The following FURIN variants were observed in gnomAD, a reference collection of about 807,000 sequenced individuals.
FURIN encodes FES upstream region.
In FURIN, 18 loss-of-function variants were observed where a neutral mutation model predicts 89.2. The observed-to-expected ratio is 0.20, with a 90% CI of 0.14 to 0.30. The LOEUF is 0.30. Ranked by LOEUF, FURIN falls within the 10% of genes least tolerant of loss-of-function variation. FURIN has a pLI of 1.00. For synonymous variants in FURIN, 508 were observed against 466.4 expected (o/e 1.09, Z -1.15); for missense variants, 879 against 1,100.5 (o/e 0.80, Z 2.85).
Position 90,882,019 on chromosome 15 carries a change from G to A in FURIN, c.*141G>A, listed in dbSNP as rs2032010497. 7.6e-6 allele frequency: 5 copies of A among 657,284 alleles called. No individual in the cohort carries two copies. The highest frequency in any genetic ancestry group is 3.9e-5 in the South Asian group (2 of 51,454). The allele number at this position is 657,284 out of a possible 1,614,324, so 40.7% of individuals were successfully genotyped here. A position where few individuals can be genotyped will look rare whatever the true frequency, so the allele number is the denominator to read the frequency against. On this transcript the variant is annotated 3_prime_UTR_variant, in exon 16 of 16. Transcript: ENST00000268171. ...GGAGACTGCTTCCCATCCTACCCTC[G>A]GGCCCACCTGGCCACCTGAGGTGGG...
At chr15:90,874,189 C>T (rs1334329758) in intron 1 of FURIN, among the ~76,000 whole-genome samples, 1 of 152,254 alleles carries the variant, frequency 6.6e-6, no homozygotes, top group Non-Finnish European at 1.5e-5. Flanking sequence ...TAGTCAGGGG[C>T]ACTATGTGGG....
At position 90,881,490 on chromosome 15, in the gene FURIN, C is replaced by G. The variant is rs2031970764; in HGVS notation, c.1997C>G (p.Ala666Gly). ...LTDCLSCPSH[A>G]SLDPVEQTCS... ...GACTGCCTCAGCTGCCCCAGCCACG[C>G]CTCCTTGGACCCTGTGGAGCAGACT... The change falls in exon 16 of 16, where the codon GCC becomes GGC. Residue 666 changes from alanine (A) to glycine (G), a missense_variant. This residue lies in a region of FURIN where 457 missense variants were observed against 490.7 expected (regional missense o/e 0.93). Transcript: ENST00000268171. This position sits in a 1 kb window ranked among gnomAD's most constrained non-coding sequence, Gnocchi z 4.3. 1 of 1,612,052 alleles carries G rather than the reference C, an allele frequency of 6.2e-7. No homozygotes were observed. The highest frequency in any genetic ancestry group is 8.5e-7 in the Non-Finnish European group (1 of 1,179,732).
chr15:90,871,988 C>G (rs2031333786), intron 1 of FURIN, among the ~76,000 whole-genome samples: 1 of 151,370 alleles, frequency 6.6e-6, no homozygotes, highest in Non-Finnish European at 1.5e-5. Context: ...GGGGCCCCTG[C>G]TGGGGGCGGG....
At chr15:90,869,026 T>TG (rs1189327372) in intron 1 of FURIN, among the ~76,000 whole-genome samples, 1 of 152,142 alleles carries the variant, frequency 6.6e-6, no homozygotes, top group Non-Finnish European at 1.5e-5. Context: ...CAGGAGTGCT[T>TG]GGAGTCAGGA....
intron 1 of FURIN, among the ~76,000 whole-genome samples, chr15:90,871,272 G>A (rs928252419): frequency 6.6e-6 from 1 of 152,178 alleles, no homozygotes; most frequent in Non-Finnish European, 1.5e-5. Flanking sequence ...TTGGTTCCGA[G>A]TTCGGGTCTC....
chr15:90,882,050 G>A lies in FURIN; in HGVS notation c.*172G>A, dbSNP rs182592330. 3.8e-3 allele frequency: 2,309 copies of A among 601,918 alleles called. 14 individuals carry two copies. Among genetic ancestry groups the A allele is most frequent in the Middle Eastern group, 0.017 (37 of 2,214 alleles). 37.3% of individuals were successfully genotyped at this position (601,918 alleles called of 1,614,324 possible). A position where few individuals can be genotyped will look rare whatever the true frequency, so the allele number is the denominator to read the frequency against. On this transcript the variant is annotated 3_prime_UTR_variant, in exon 16 of 16. Transcript: ENST00000268171. ...ACCTGGCCACCTGAGGTGGGCCCAG[G>A]ACCAGCTGGGGCGTGGGGAGGGCCG... is the stretch of plus-strand genomic sequence containing the variant.
In FURIN at chr15:90,877,606, C is replaced by A; in HGVS notation, c.658C>A (p.Arg220Ser). The change falls in exon 7 of 16, where the codon CGC (arginine) becomes AGC (serine). Residue 220 changes from arginine (R) to serine (S), a missense_variant. This residue lies in a region of FURIN where 139 missense variants were observed against 215.0 expected (regional missense o/e 0.65). Coordinates refer to ENST00000268171, the MANE Select transcript of FURIN (RefSeq NM_002569.4). ...TGGTGTAGGTGTGGCCTACAACGCC[C>A]GCATTGGAGGTGAGTGTGGGCCTGG... ...VCGVGVAYNA[R>S]IGGVRMLDGE... The A allele has an allele frequency of 1.3e-6, 2 of 1,565,200 alleles. No individual in the cohort carries two copies. The highest frequency in any genetic ancestry group is 1.2e-5 in the South Asian group (1 of 84,890).
rs565788900 is a variant in FURIN at position 90,875,633 on chromosome 15, C to G, written c.-108C>G. 1.0e-6 allele frequency: 1 copy of G among 999,072 alleles called. No homozygotes were observed. The highest frequency in any genetic ancestry group is 2.7e-5 in the East Asian group (1 of 37,104). The allele number at this position is 999,072 out of a possible 1,614,324, so 61.9% of individuals were successfully genotyped here. ...CCTGCCCGTCTCGGCCCCATGCCCC[C>G]ACCAGTCAGCCCCGGGCCACAGGCA... is the stretch of plus-strand genomic sequence containing the variant. On this transcript the variant is annotated 5_prime_UTR_variant, in exon 2 of 16. Transcript: ENST00000268171.
In FURIN at chr15:90,877,621, T is replaced by C. The variant is rs1175519174; in HGVS notation, c.667+6T>C. ...CTACAACGCCCGCATTGGAGGTGAG[T>C]GTGGGCCTGGGCCACCCTGTCTTCA... On this transcript the variant is annotated splice_donor_region_variant and intron_variant, in intron 7 of 15. Transcript: ENST00000268171. 1.9e-6 allele frequency: 3 copies of C among 1,554,044 alleles called. No homozygotes were observed. The African/African-American group carries it at 4.1e-5, about 21-fold the overall frequency.
At chr15:90,877,968 G>T (rs922262455) in intron 7 of FURIN, among the ~76,000 whole-genome samples, 164 bp from the exon 8 acceptor site, 1 of 152,180 alleles carries the variant, frequency 6.6e-6, no homozygotes, top group East Asian at 1.9e-4. Context: ...TCTTTGAAAG[G>T]CAGAGGCAAA....
intron 1 of FURIN, chr15:90,871,511 G>A (rs1455316013): frequency 5.9e-4 from 1 of 1,696 alleles, no homozygotes; most frequent in African/African-American, 3.2e-3. Flanking sequence ...GGGAACGCGG[G>A]CCCGCAGTCG....
chr15:90,880,597 G>A, intron 13 of FURIN, 94 bp from the exon 14 acceptor site: 5 of 1,402,644 alleles, frequency 3.6e-6, no homozygotes, highest in South Asian at 1.4e-5. Context: ...TGGTCTGCGT[G>A]GGGGAAGGGT....
chr15:90,877,860 C>A (rs1295628281), intron 7 of FURIN, among the ~76,000 whole-genome samples: 1 of 152,218 alleles, frequency 6.6e-6, no homozygotes, highest in Admixed American at 6.5e-5. Context: ...GTGGCAGATC[C>A]TTGATCACCA....
chr15:90,880,881 G>A (rs2031924220), intron 14 of FURIN, 49 bp from the exon 15 acceptor site: 1 of 1,609,862 alleles, frequency 6.2e-7, no homozygotes, highest in Non-Finnish European at 8.5e-7. Context: ...AGCACTGGGT[G>A]TGGTGCCAGC....
intron 1 of FURIN, among the ~76,000 whole-genome samples, chr15:90,871,044 ACTC>A (rs2031259291): frequency 6.6e-6 from 1 of 152,054 alleles, no homozygotes; most frequent in South Asian, 2.1e-4. Context: ...CGAAGTCGTG[ACTC>A]CTCTAACAGT....
At chr15:90,880,373 CT>C in intron 13 of FURIN, 100 bp downstream of exon 13, 7 of 970,480 alleles carry the variant, frequency 7.2e-6, no homozygotes, top group Non-Finnish European at 9.1e-6. Flanking sequence ...GCACTGAGTG[CT>C]ACTCAGTGGG....
In FURIN at chr15:90,878,699, G is replaced by GT. The variant is rs1296771578; in HGVS notation, c.841-64dup. Reference sequence around the variant, plus strand: ...CTCCAGCCTTCCCAGTTTTCCAGCAGTGTCCTCCTGCCAGCCCTCCCTCAA... The same window carrying GT: ...CTCCAGCCTTCCCAGTTTTCCAGCAGTTGTCCTCCTGCCAGCCCTCCCTCAA... On this transcript the variant is annotated intron_variant, in intron 8 of 15. Transcript: ENST00000268171. The GT allele has an allele frequency of 1.4e-5, 13 of 952,982 alleles. No homozygotes were observed. The East Asian group carries it at 3.2e-4, about 23-fold the overall frequency. 59.0% of individuals were successfully genotyped at this position (952,982 alleles called of 1,614,324 possible). A position where few individuals can be genotyped will look rare whatever the true frequency, so the allele number is the denominator to read the frequency against.
Position 90,878,283 on chromosome 15 carries a change from C to T in FURIN, c.819C>T (p.Ala273=). The T allele has an allele frequency of 6.2e-7, 1 of 1,602,384 alleles. No individual in the cohort carries two copies. The highest frequency in any genetic ancestry group is 8.5e-7 in the Non-Finnish European group (1 of 1,172,872). Residue 273 remains alanine, a synonymous_variant, in exon 8 of 16, where the codon GCC becomes GCT. Transcript: ENST00000268171. ...VDGPARLAEE[A]FFRGVSQGRG... ...GGCCAGCCCGCCTCGCCGAGGAGGC[C>T]TTCTTCCGTGGGGTTAGCCAGGTGA...
In FURIN at chr15:90,868,635, T is replaced by G. The variant is rs997768557; in HGVS notation, c.-236T>G. 2.0e-5 allele frequency: 3 copies of G among 152,240 alleles called. No individual in the cohort carries two copies. Among genetic ancestry groups the G allele is most frequent in the African/African-American group, 7.2e-5 (3 of 41,460 alleles). The allele number at this position is 152,240 out of a possible 1,614,324, so 9.4% of individuals were successfully genotyped here. A position where few individuals can be genotyped will look rare whatever the true frequency, so the allele number is the denominator to read the frequency against. ...CCCTGTGAAGGGATAGGAGCCTGAC[T>G]GTTGCAGCTGCAGTGAGTGGCGGGG... On this transcript the variant is annotated 5_prime_UTR_variant, in exon 1 of 16. Transcript: ENST00000268171.
Sources: allele counts gnomAD v4.1 joint callset (sites outside exome capture counted in the v4.1 genomes callset), GRCh38; gene constraint gnomAD v4.1.1; regional missense constraint gnomAD v4.1.1; non-coding constraint Gnocchi (gnomAD v3.1); transcripts MANE v1.5; gene names NCBI Gene and HGNC (gene_info 2026-07-23, HGNC 2026-07-21).